EIPR1: variants seen among roughly 807,000 people sequenced by gnomAD.
EIPR1 encodes the protein EARP and GARP complex-interacting protein 1.
EIPR1 carries 25 observed loss-of-function variants against 48.1 expected under a neutral mutation model. That is an observed-to-expected ratio of 0.52 (90% CI 0.38 to 0.73). The LOEUF (loss-of-function observed/expected upper bound fraction) is 0.73. Ranked by LOEUF, EIPR1 falls within the 30% of genes least tolerant of loss-of-function variation. EIPR1 has a pLI of 0.00. For synonymous variants in EIPR1, 204 were observed against 201.9 expected, an observed-to-expected ratio of 1.01 and a Z score of -0.09; for missense variants, 415 against 506.2, an observed-to-expected ratio of 0.82 and a Z score of 1.73.
At chr2:3,352,033 G>C (rs1011049527) in intron 2 of EIPR1, among the ~76,000 whole-genome samples, 28 of 119,806 alleles carry the variant, frequency 2.3e-4, no homozygotes, top group East Asian at 1.1e-3. Context: ...TGTCTGTTCC[G>C]GACACCTTTG....
intron 4 of EIPR1, among the ~76,000 whole-genome samples, chr2:3,225,388 G>A (rs1447984403): frequency 1.3e-5 from 2 of 151,988 alleles, no homozygotes; most frequent in Admixed American, 6.6e-5. Flanking sequence ...TGGGACCACA[G>A]GCACATGCCA....
intron 2 of EIPR1, among the ~76,000 whole-genome samples, chr2:3,340,862 C>T (rs1670217725): frequency 1.3e-5 from 2 of 152,014 alleles, no homozygotes; most frequent in Admixed American, 6.6e-5. Flanking sequence ...TTTGGGAAGC[C>T]AAGATGGGTA....
intron 8 of EIPR1, among the ~76,000 whole-genome samples, chr2:3,191,564 C>T (rs1572270679): frequency 6.6e-6 from 1 of 152,192 alleles, no homozygotes; most frequent in East Asian, 1.9e-4. Context: ...AGTGACAGAC[C>T]CCATCGTATC....
chr2:3,295,971 C>A (rs1414860095), intron 3 of EIPR1, among the ~76,000 whole-genome samples: 13 of 112,016 alleles, frequency 1.2e-4, no homozygotes, highest in South Asian at 3.5e-4. Flanking sequence ...CATCCTCTCT[C>A]TGCACACACA....
At chr2:3,358,684 TA>T (rs1341610356) in intron 1 of EIPR1, among the ~76,000 whole-genome samples, 4 of 152,196 alleles carry the variant, frequency 2.6e-5, no homozygotes, top group Admixed American at 6.5e-5. Context: ...CCTCTGACGC[TA>T]TCCAATTTAA....
Position 3,354,571 on chromosome 2 carries a change from C to T in EIPR1, c.105G>A (p.Gln35=), listed in dbSNP as rs1402503678. 1.2e-6 allele frequency: 2 copies of T among 1,614,102 alleles called. No individual in the cohort carries two copies. The highest frequency in any genetic ancestry group is 1.7e-5 in the Admixed American group (1 of 60,030). Residue 35 remains glutamine, a synonymous_variant, in exon 2 of 9, where the codon CAG becomes CAA. Transcript: ENST00000382125. ...TDAIRFLVGT[Q]SLKYDNQIHI... ...TTACCTGATTATCATATTTAAGAGA[C>T]TGCGTCCCAACCAAAAACCGAATGG...
chr2:3,317,366 C>T (rs911403850), intron 3 of EIPR1, among the ~76,000 whole-genome samples: 3 of 151,624 alleles, frequency 2.0e-5, no homozygotes, highest in Admixed American at 6.6e-5. Flanking sequence ...GCCCCAGGAG[C>T]GCACAAGGTG....
intron 2 of EIPR1, among the ~76,000 whole-genome samples, chr2:3,342,119 T>C (rs928566420): frequency 2.6e-5 from 4 of 152,346 alleles, no homozygotes; most frequent in Non-Finnish European, 5.9e-5. Context: ...AATTTGATTT[T>C]GTGAAATCTG....
chr2:3,360,202 G>A (rs183398887), intron 1 of EIPR1, among the ~76,000 whole-genome samples: 16 of 152,190 alleles, frequency 1.1e-4, no homozygotes, highest in African/African-American at 3.1e-4. Flanking sequence ...TCAGGAGTTC[G>A]AGACCAGCCT....
At chr2:3,235,403 C>T (rs1558241126) in intron 4 of EIPR1, among the ~76,000 whole-genome samples, 1 of 151,254 alleles carries the variant, frequency 6.6e-6, no homozygotes, top group Non-Finnish European at 1.5e-5. Flanking sequence ...GAAACACAAA[C>T]ATGTGTGCAT....
At chr2:3,306,743 A>G (rs953300290) in intron 3 of EIPR1, among the ~76,000 whole-genome samples, 3 of 152,204 alleles carry the variant, frequency 2.0e-5, no homozygotes, top group Non-Finnish European at 2.9e-5. Flanking sequence ...CACACTGAGC[A>G]GACTGAGGAG....
chr2:3,270,619 A>G (rs1667676143), intron 3 of EIPR1, among the ~76,000 whole-genome samples: 1 of 152,232 alleles, frequency 6.6e-6, no homozygotes, highest in African/African-American at 2.4e-5. Flanking sequence ...CAGTCAAGTA[A>G]GTGTCCAATA....
At chr2:3,359,192 C>A (rs923645119) in intron 1 of EIPR1, among the ~76,000 whole-genome samples, 10 of 152,088 alleles carry the variant, frequency 6.6e-5, no homozygotes, top group Non-Finnish European at 1.5e-4. Context: ...CCCAGGAGCT[C>A]AAAGTTAGAC....
chr2:3,302,166 G>C (rs1459706524), intron 3 of EIPR1, among the ~76,000 whole-genome samples: 5 of 152,014 alleles, frequency 3.3e-5, no homozygotes, highest in Admixed American at 2.6e-4. Flanking sequence ...AAACTTTCCG[G>C]CATACAGCAA....
At chr2:3,194,213 G>T (rs1664715002) in intron 6 of EIPR1, 47 bp from the exon 7 acceptor site, 6 of 1,604,166 alleles carry the variant, frequency 3.7e-6, no homozygotes, top group Middle Eastern at 3.3e-4. Context: ...AATGGATTAG[G>T]AAAAGCCACT....
At chr2:3,345,658 A>G (rs1670377536) in intron 2 of EIPR1, among the ~76,000 whole-genome samples, 2 of 151,964 alleles carry the variant, frequency 1.3e-5, no homozygotes, top group South Asian at 4.2e-4. Context: ...AAAAATATGT[A>G]TATATATAGT....
At chr2:3,302,222 C>T (rs566567663) in intron 3 of EIPR1, among the ~76,000 whole-genome samples, 1 of 152,288 alleles carries the variant, frequency 6.6e-6, no homozygotes, top group East Asian at 1.9e-4. Context: ...TTGAGTTTAA[C>T]GAGGGTGCCT....
At chr2:3,295,270 A>ATG (rs1668520478) in intron 3 of EIPR1, among the ~76,000 whole-genome samples, 1 of 130,340 alleles carries the variant, frequency 7.7e-6, no homozygotes, top group African/African-American at 3.0e-5. Flanking sequence ...CTCTCTCCAC[A>ATG]CACACCCTCC....
intron 2 of EIPR1, among the ~76,000 whole-genome samples, chr2:3,342,596 C>CT (rs1351445643): frequency 2.0e-5 from 3 of 152,226 alleles, no homozygotes; most frequent in African/African-American, 7.2e-5. Context: ...CTGGGCCCGC[C>CT]TTTCTTCCCA....
Sources: allele counts gnomAD v4.1 joint callset (sites outside exome capture counted in the v4.1 genomes callset), GRCh38; gene constraint gnomAD v4.1.1; transcripts MANE v1.5; gene names NCBI Gene and HGNC (gene_info 2026-07-23, HGNC 2026-07-21).